IL1RAPL1: variants seen among roughly 807,000 people sequenced by gnomAD.
IL1RAPL1 encodes the protein interleukin-1 receptor accessory protein-like 1.
Under a neutral mutation model 48.4 loss-of-function variants are expected in IL1RAPL1, and 3 were observed. The observed-to-expected ratio is 0.06, with a 90% CI of 0.03 to 0.16. The LOEUF is 0.16. Ranked by LOEUF, IL1RAPL1 falls within the 10% of genes least tolerant of loss-of-function variation. IL1RAPL1 has a pLI of 1.00. For missense variants in IL1RAPL1, 349 were observed against 530.6 expected (o/e 0.66, Z 3.36); for synonymous variants, 185 against 187.7 (o/e 0.99, Z 0.12).
chrX:28,951,290 G>A (rs1004617824), intron 2 of IL1RAPL1, among the ~76,000 whole-genome samples: 9 of 109,800 alleles, frequency 8.2e-5, no homozygotes, highest in Non-Finnish European at 1.7e-4. Context: ...GTTCAAGGAT[G>A]CAAATTTGAA....
intron 6 of IL1RAPL1, among the ~76,000 whole-genome samples, chrX:29,696,552 C>T (rs1053995681): frequency 4.5e-5 from 5 of 111,692 alleles, no homozygotes; most frequent in East Asian, 2.8e-4. Context: ...ATGCATGGTG[C>T]GAAAAGTTAT....
chrX:29,012,544 CA>C (rs1325981039), intron 2 of IL1RAPL1, among the ~76,000 whole-genome samples: 1 of 108,890 alleles, frequency 9.2e-6, no homozygotes, highest in Non-Finnish European at 1.9e-5. Flanking sequence ...AGCTGTGTCT[CA>C]AAAAAAAATC....
chrX:28,864,025 A>G (rs897601779), intron 2 of IL1RAPL1, among the ~76,000 whole-genome samples: 3 of 112,063 alleles, frequency 2.7e-5, no homozygotes, highest in African/African-American at 9.7e-5. Context: ...TGTCAAAGAC[A>G]TGTTCATCAC....
intron 3 of IL1RAPL1, among the ~76,000 whole-genome samples, chrX:29,349,440 G>A: frequency 9.0e-6 from 1 of 111,413 alleles, no homozygotes; most frequent in East Asian, 2.8e-4. Context: ...GACCTGCCTT[G>A]GGGAAGAGGG....
chrX:28,944,420 G>C (rs949389306), intron 2 of IL1RAPL1, among the ~76,000 whole-genome samples: 1 of 110,890 alleles, frequency 9.0e-6, no homozygotes, highest in Admixed American at 9.7e-5. Context: ...TATCCACTGG[G>C]TATGCAGTTG....
chrX:28,906,611 A>G (rs758217456), intron 2 of IL1RAPL1, among the ~76,000 whole-genome samples: 11 of 112,262 alleles, frequency 9.8e-5, no homozygotes, highest in Admixed American at 1.9e-4. Context: ...CTATTTCCCC[A>G]GCTAGCAAAG....
At chrX:29,052,233 C>T (rs1305740159) in intron 2 of IL1RAPL1, among the ~76,000 whole-genome samples, 1 of 111,457 alleles carries the variant, frequency 9.0e-6, no homozygotes, top group African/African-American at 3.3e-5. Context: ...TTCACTGTGT[C>T]GAGGATGTCT....
rs900366743 is a variant in IL1RAPL1, at chrX:29,295,218, C to G, written c.362+12001C>G. Among the ~76,000 whole-genome samples the G allele has an allele frequency of 4.5e-5, 5 of 111,842 alleles. No individual in the cohort carries two copies. In the Admixed American group the frequency reaches 4.7e-4, roughly 11 times the overall value. ...TATGGGAAATAAGTAAAAGAGACAG[C>G]AAGAGGCCTATCTTAATGCTTTTCA... is the stretch of plus-strand genomic sequence containing the variant. On this transcript the variant is annotated intron_variant, in intron 3 of 10. Coordinates refer to ENST00000378993, the MANE Select transcript of IL1RAPL1 (RefSeq NM_014271.4).
chrX:28,596,296 C>T (rs1933954709), intron 1 of IL1RAPL1, among the ~76,000 whole-genome samples: 1 of 110,975 alleles, frequency 9.0e-6, no homozygotes, highest in African/African-American at 3.3e-5. Context: ...TAGTTTAAAA[C>T]CTACAAATGA....
intron 6 of IL1RAPL1, among the ~76,000 whole-genome samples, chrX:29,796,682 A>G (rs776466785): frequency 2.7e-5 from 3 of 112,343 alleles, no homozygotes; most frequent in Admixed American, 9.5e-5. Context: ...AACACAGCAA[A>G]TGAATGATAA....
intron 1 of IL1RAPL1, among the ~76,000 whole-genome samples, chrX:28,592,757 G>C (rs952834071): frequency 9.0e-6 from 1 of 111,661 alleles, no homozygotes; most frequent in Non-Finnish European, 1.9e-5. Flanking sequence ...ATGTTGTAGA[G>C]CAACCTCCTC....
At chrX:29,033,179 G>C (rs1446513823) in intron 2 of IL1RAPL1, among the ~76,000 whole-genome samples, 1 of 111,292 alleles carries the variant, frequency 9.0e-6, no homozygotes, top group African/African-American at 3.3e-5. Context: ...ACAAGATACT[G>C]TGCCTGATGC....
chrX:28,600,766 A>T (rs1400342686), intron 1 of IL1RAPL1, among the ~76,000 whole-genome samples: 2 of 111,690 alleles, frequency 1.8e-5, no homozygotes, highest in Non-Finnish European at 3.8e-5. Flanking sequence ...GAGGGGAACT[A>T]GTTTTGAATA....
rs138893610 is a variant in IL1RAPL1 at position 29,910,858 on chromosome X, G to C, written c.779-6606G>C. ...TCACTAGGATGGCTATAATCAAAGC[G>C]ACAGATGCTAAGAAGTGTTGACAAG... On this transcript the variant is annotated intron_variant, in intron 6 of 10. Coordinates refer to ENST00000378993, the MANE Select transcript of IL1RAPL1 (RefSeq NM_014271.4). Among the ~76,000 whole-genome samples, 530 of 111,509 alleles carry C rather than the reference G, an allele frequency of 4.8e-3. 4 individuals are homozygous for C. The highest frequency in any genetic ancestry group is 0.016 in the African/African-American group (497 of 30,750).
At chrX:28,824,502 G>A (rs1003383362) in intron 2 of IL1RAPL1, among the ~76,000 whole-genome samples, 10 of 110,480 alleles carry the variant, frequency 9.1e-5, no homozygotes, top group African/African-American at 3.3e-4. Flanking sequence ...ATTGAATTTT[G>A]TTATTGTATC....
intron 3 of IL1RAPL1, among the ~76,000 whole-genome samples, chrX:29,319,217 G>A (rs1485443099): frequency 1.1e-5 from 1 of 92,777 alleles, no homozygotes; most frequent in Non-Finnish European, 2.1e-5. Flanking sequence ...GTTGAGACAA[G>A]GTCTTACTCT....
At chrX:28,609,043 T>G (rs1189860518) in intron 1 of IL1RAPL1, among the ~76,000 whole-genome samples, 1 of 112,169 alleles carries the variant, frequency 8.9e-6, no homozygotes, top group Non-Finnish European at 1.9e-5. Flanking sequence ...ATATTTTAAT[T>G]TGAAAATTTG....
intron 5 of IL1RAPL1, among the ~76,000 whole-genome samples, chrX:29,417,844 T>C (rs1934236393): frequency 9.1e-6 from 1 of 109,981 alleles, no homozygotes; most frequent in Admixed American, 9.8e-5. Context: ...CTGCCATCAT[T>C]TGAAGAACAT....
At chrX:29,587,018 T>G (rs779426520) in intron 5 of IL1RAPL1, among the ~76,000 whole-genome samples, 34 of 111,099 alleles carry the variant, frequency 3.1e-4, no homozygotes, top group African/African-American at 1.0e-3. Flanking sequence ...TTGTTTCTTT[T>G]TGTTGCCTAA....
Sources: gnomAD v4.1 joint callset for allele counts (sites outside exome capture counted in the v4.1 genomes callset) on GRCh38, gnomAD v4.1.1 for gene constraint, MANE v1.5 for transcripts, NCBI Gene and HGNC (gene_info 2026-07-23, HGNC 2026-07-21) for gene names.